Variants in RNASE10 observed in about 807,000 individuals in gnomAD.
RNASE10 encodes the protein inactive ribonuclease-like protein 10.
A neutral mutation model predicts 1.1 loss-of-function variants in RNASE10; 2 were observed. The ratio of observed to expected loss-of-function variants is 1.82; its 90% CI spans 0.74 to 5.73. The LOEUF (loss-of-function observed/expected upper bound fraction) is 5.73, where lower values mean the gene tolerates loss of function less well. Ranked by LOEUF, RNASE10 falls within the 30% of genes most tolerant of loss-of-function variation. The pLI is 0.05. For synonymous variants in RNASE10, 97 were observed against 96.2 expected (o/e 1.01, Z -0.05); for missense variants, 276 against 263.4 (o/e 1.05, Z -0.33).
At position 20,510,742 on chromosome 14, in the gene RNASE10, G is replaced by A. The variant is rs776331701; in HGVS notation, c.355G>A (p.Val119Ile). 4 of 1,614,240 alleles carry A rather than the reference G, an allele frequency of 2.5e-6. No individual in the cohort carries two copies. Among genetic ancestry groups the A allele is most frequent in the East Asian group, 2.2e-5 (1 of 44,892 alleles). ...AGATCCCATCCTCGGTGAAGATGAG[G>A]TTGGGGGTAACAAGATGCTCAGAGC... is the stretch of plus-strand genomic sequence containing the variant. The change falls in exon 2 of 2, where the codon GTT (valine) becomes ATT (isoleucine). Residue 119 changes from valine (V) to isoleucine (I), a missense_variant. Val to Ile is a conservative substitution (Grantham distance 29). Coordinates refer to ENST00000430083, the Ensembl canonical transcript of RNASE10.
At chr14:20,510,384 T>C (rs922393996) in intron 1 of RNASE10, 83 bp from the exon 2 acceptor site, 33 of 1,525,400 alleles carry the variant, frequency 2.2e-5, no homozygotes, top group African/African-American at 2.8e-5. Context: ...TACAATGCTG[T>C]AGGGCTTAGT....
chr14:20,507,604 G>C (rs1399770696), intron 1 of RNASE10, among the ~76,000 whole-genome samples: 1 of 127,542 alleles, frequency 7.8e-6, no homozygotes, highest in African/African-American at 3.3e-5. Flanking sequence ...ACCCAAGAAT[G>C]ATCAATTAAA....
At chr14:20,505,269 T>C (rs891588094), upstream of RNASE10, among the ~76,000 whole-genome samples, 1 of 10,976 alleles carries the variant, frequency 9.1e-5, no homozygotes, top group Non-Finnish European at 1.6e-4. Context: ...TTGCTCCCTC[T>C]CCCTCTCCCT....
chr14:20,512,481 G>A (rs200416326), downstream of RNASE10, among the ~76,000 whole-genome samples: 5 of 152,176 alleles, frequency 3.3e-5, no homozygotes, highest in East Asian at 1.9e-4. Context: ...GACTATTATA[G>A]ACCCAAGTCA....
intron 1 of RNASE10, among the ~76,000 whole-genome samples, chr14:20,506,461 G>A (rs1369178582): frequency 7.8e-6 from 1 of 128,180 alleles, no homozygotes; most frequent in Non-Finnish European, 1.7e-5. Flanking sequence ...CCCCCTGCCC[G>A]GCCAGCCGCC....
chr14:20,511,412 C>G (rs1197968826), downstream of RNASE10, among the ~76,000 whole-genome samples: 2 of 152,174 alleles, frequency 1.3e-5, no homozygotes, highest in African/African-American at 4.8e-5. Flanking sequence ...GTTTCCTGCT[C>G]TGCTCTGAGT....
chr14:20,504,470 G>T (rs1326046647), upstream of RNASE10, among the ~76,000 whole-genome samples: 1 of 151,894 alleles, frequency 6.6e-6, no homozygotes, highest in African/African-American at 2.4e-5. Context: ...GGCGGGTCAC[G>T]AGGTCGGGAG....
intron 1 of RNASE10, among the ~76,000 whole-genome samples, chr14:20,507,999 C>T (rs1882794436): frequency 6.6e-6 from 1 of 152,144 alleles, no homozygotes; most frequent in African/African-American, 2.4e-5. Context: ...ATCCACCTGC[C>T]TCGGTCTCCC....
chr14:20,510,009 C>T (rs945238509), intron 1 of RNASE10, among the ~76,000 whole-genome samples: 1 of 149,428 alleles, frequency 6.7e-6, no homozygotes, highest in African/African-American at 2.5e-5. Context: ...ATCCCAGCTA[C>T]TTGGGAGGCT....
upstream of RNASE10, among the ~76,000 whole-genome samples, chr14:20,505,267 TCTCC>T (rs1882665500): frequency 1.1e-4 from 1 of 8,966 alleles, no homozygotes; most frequent in Non-Finnish European, 2.1e-4. Flanking sequence ...GTTTGCTCCC[TCTCC>T]CTCTCCCTCT....
At chr14:20,511,571 C>G (rs1882901164), downstream of RNASE10, among the ~76,000 whole-genome samples, 1 of 152,192 alleles carries the variant, frequency 6.6e-6, no homozygotes, top group Admixed American at 6.5e-5. Context: ...TAAAGTGATT[C>G]TATCTGTAAT....
upstream of RNASE10, among the ~76,000 whole-genome samples, chr14:20,504,303 G>T (rs541081693): frequency 6.6e-6 from 1 of 152,158 alleles, no homozygotes; most frequent in African/African-American, 2.4e-5. Flanking sequence ...GGAAGAACTT[G>T]GGGAACGAGA....
downstream of RNASE10, among the ~76,000 whole-genome samples, chr14:20,513,838 T>C (rs1226912541): frequency 6.6e-6 from 1 of 152,256 alleles, no homozygotes; most frequent in Non-Finnish European, 1.5e-5. Context: ...GATCTATATA[T>C]ACTATTTAAT....
downstream of RNASE10, among the ~76,000 whole-genome samples, chr14:20,513,108 C>CA (rs1330753343): frequency 6.6e-6 from 1 of 152,160 alleles, no homozygotes; most frequent in East Asian, 1.9e-4. Flanking sequence ...AGCTTCCGTC[C>CA]AGCTTCTCTC....
At chr14:20,511,669 G>C (rs552621582), downstream of RNASE10, among the ~76,000 whole-genome samples, 4 of 152,270 alleles carry the variant, frequency 2.6e-5, no homozygotes, top group East Asian at 7.7e-4. Flanking sequence ...TGGGGAGGTG[G>C]TGTGGTGCTG....
Position 20,510,885 on chromosome 14 carries a change from T to G in RNASE10, c.498T>G (p.Tyr166Ter). ...CCAGTCAGAGTTGCATAGCCCAGTA[T>G]GCATTCATCCATGAGGATCTAAACA... The change falls in exon 2 of 2, where the codon TAT becomes TAG. Residue 166 changes from tyrosine to a stop codon, truncating the protein, a stop_gained. Coordinates refer to ENST00000430083, the Ensembl canonical transcript of RNASE10. LOFTEE classifies it low-confidence loss of function (END_TRUNC). 7 of 1,614,154 alleles carry G rather than the reference T, an allele frequency of 4.3e-6. No individual in the cohort carries two copies. Among genetic ancestry groups the G allele is most frequent in the Non-Finnish European group, 5.9e-6 (7 of 1,180,034 alleles).
chr14:20,509,191 T>A (rs1882832858), intron 1 of RNASE10, among the ~76,000 whole-genome samples: 1 of 152,250 alleles, frequency 6.6e-6, no homozygotes, highest in African/African-American at 2.4e-5. Flanking sequence ...CTGGGACTAC[T>A]GGTGCGTGGC....
At chr14:20,511,052 C>A (rs1882887986) in exon 2 of RNASE10, 1 of 1,531,316 alleles carries the variant, frequency 6.5e-7, no homozygotes, top group South Asian at 1.3e-5. Context: ...AATTACCTAA[C>A]TTCTGTTATA....
upstream of RNASE10, among the ~76,000 whole-genome samples, chr14:20,505,266 C>G (rs1288530153): frequency 2.4e-4 from 2 of 8,352 alleles, no homozygotes; most frequent in African/African-American, 9.5e-4. Context: ...AGTTTGCTCC[C>G]TCTCCCTCTC....
Sources: allele counts gnomAD v4.1 joint callset (sites outside exome capture counted in the v4.1 genomes callset), GRCh38; gene constraint gnomAD v4.1.1; transcripts MANE v1.5; gene names NCBI Gene and HGNC (gene_info 2026-07-23, HGNC 2026-07-21).